The following UNC13C variants were observed in gnomAD, a reference collection of about 807,000 sequenced individuals.
The protein encoded by UNC13C is protein unc-13 homolog C.
UNC13C carries 174 observed loss-of-function variants against 245.4 expected under a neutral mutation model. The ratio of observed to expected loss-of-function variants is 0.71; its 90% CI spans 0.63 to 0.80. The LOEUF (loss-of-function observed/expected upper bound fraction) is 0.80. Ranked by LOEUF, UNC13C falls within the 30% of genes least tolerant of loss-of-function variation. The pLI, the probability that UNC13C is intolerant of heterozygous loss-of-function variation, is 0.00. For synonymous variants in UNC13C, 992 were observed against 895.1 expected (o/e 1.11, Z -1.93); for missense variants, 2,829 against 2,602.9 (o/e 1.09, Z -1.89).
At chr15:54,390,328 G>A (rs1425053400) in intron 17 of UNC13C, among the ~76,000 whole-genome samples, 1 of 152,016 alleles carries the variant, frequency 6.6e-6, no homozygotes, top group African/African-American at 2.4e-5. Context: ...CAGCTTGTCT[G>A]TAAAAACTTT....
chr15:54,323,300 G>A (rs66494370), intron 14 of UNC13C, among the ~76,000 whole-genome samples: 1 of 151,992 alleles, frequency 6.6e-6, no homozygotes, highest in African/African-American at 2.4e-5. Flanking sequence ...AAGTGAATTA[G>A]AATAATCAAA....
intron 4 of UNC13C, among the ~76,000 whole-genome samples, chr15:54,179,599 C>G (rs948332305): frequency 1.3e-5 from 2 of 151,698 alleles, no homozygotes; most frequent in Admixed American, 6.6e-5. Flanking sequence ...AGAAAGAATA[C>G]TAATTAAAGA....
chr15:54,106,584 C>T (rs896166671), intron 2 of UNC13C, among the ~76,000 whole-genome samples: 3 of 152,162 alleles, frequency 2.0e-5, no homozygotes, highest in African/African-American at 4.8e-5. Flanking sequence ...AAAAAATTAT[C>T]TCCCATCTTT....
intron 17 of UNC13C, among the ~76,000 whole-genome samples, chr15:54,348,063 C>T (rs2038899084): frequency 6.6e-6 from 1 of 152,090 alleles, no homozygotes; most frequent in Non-Finnish European, 1.5e-5. Context: ...ATTTTTAAAG[C>T]TCAATATTAA....
intron 30 of UNC13C, among the ~76,000 whole-genome samples, chr15:54,568,935 T>G (rs950981364): frequency 6.6e-6 from 1 of 152,166 alleles, no homozygotes; most frequent in Admixed American, 6.5e-5. Flanking sequence ...AAACTACAAT[T>G]ATCCCTTTTC....
At position 54,452,909 on chromosome 15, in the gene UNC13C, C is replaced by T. The variant is rs151334865; in HGVS notation, c.4933+37842C>T. Among the ~76,000 whole-genome samples the T allele has an allele frequency of 5.0e-3, 767 of 152,276 alleles. 5 individuals carry two copies. Among genetic ancestry groups the T allele is most frequent in the African/African-American group, 0.017 (716 of 41,560 alleles). Reference sequence around the variant, plus strand: ...TTGCTGCCAGTGGCTCACATTTAGCCCAGGTGGCAGTAGCCAGCAGCAGCA... The same window carrying T: ...TTGCTGCCAGTGGCTCACATTTAGCTCAGGTGGCAGTAGCCAGCAGCAGCA... On this transcript the variant is annotated intron_variant, in intron 19 of 32. Coordinates refer to ENST00000260323, the MANE Select transcript of UNC13C (RefSeq NM_001080534.3).
In UNC13C at chr15:54,051,128, A is replaced by G. The variant is rs547794555; in HGVS notation, c.2983+35242A>G. ...CCTTATAGAAAATTCATTTTTATAG[A>G]GCCACATTTATCAATCTTTTATTGC... On this transcript the variant is annotated intron_variant, in intron 2 of 32. Transcript: ENST00000260323. Among the ~76,000 whole-genome samples the G allele has an allele frequency of 8.5e-5, 13 of 152,294 alleles. No homozygotes were observed. In the South Asian group the frequency reaches 2.7e-3, roughly 32 times the overall value.
intron 23 of UNC13C, 106 bp downstream of exon 23, chr15:54,507,300 T>C: frequency 1.4e-6 from 1 of 722,392 alleles, no homozygotes; most frequent in Non-Finnish European, 2.3e-6. Context: ...TCACATAGGA[T>C]AATAAGAAAT....
the UNC13C span, among the ~76,000 whole-genome samples, chr15:53,944,422 A>G: frequency 5.9e-5 from 9 of 151,774 alleles, no homozygotes; most frequent in Non-Finnish European, 8.8e-5. Context: ...TTCCATCCTC[A>G]AGGAGGCCCT....
At chr15:54,041,646 T>G (rs1896811369) in intron 2 of UNC13C, among the ~76,000 whole-genome samples, 1 of 152,220 alleles carries the variant, frequency 6.6e-6, no homozygotes, top group South Asian at 2.1e-4. Context: ...ATTTATGAGT[T>G]GTGTGACATT....
In UNC13C at chr15:53,999,723, C is replaced by T. The variant is rs376246222; in HGVS notation, c.-256-12925C>T. On this transcript the variant is annotated intron_variant, in intron 1 of 32. Transcript: ENST00000260323. ...GCACTGCCTTTAGCTGTGTCCCATA[C>T]ATTTTGGTATGTTGTTTTTTTAAAT... 1.9e-3 allele frequency among the ~76,000 whole-genome samples: 293 copies of T among 152,012 alleles called. 1 individual carries two copies. The highest frequency in any genetic ancestry group is 6.6e-3 in the African/African-American group (273 of 41,526).
chr15:54,445,874 A>G (rs1890786177), intron 19 of UNC13C, among the ~76,000 whole-genome samples: 1 of 152,170 alleles, frequency 6.6e-6, no homozygotes, highest in Non-Finnish European at 1.5e-5. Context: ...GCCCATGCCT[A>G]TGTCCGGAAT....
At chr15:53,848,732 C>G in the UNC13C span, among the ~76,000 whole-genome samples, 9 of 152,098 alleles carry the variant, frequency 5.9e-5, no homozygotes, top group African/African-American at 1.4e-4. Flanking sequence ...ACTGACATCT[C>G]AAAATGTAAT....
intron 4 of UNC13C, among the ~76,000 whole-genome samples, chr15:54,159,697 A>G (rs1038337750): frequency 2.6e-5 from 4 of 152,334 alleles, no homozygotes; most frequent in East Asian, 1.9e-4. Flanking sequence ...TCATGGGGAT[A>G]ATACTGGCAC....
chr15:54,231,402 G>A (rs1259813070), intron 4 of UNC13C, among the ~76,000 whole-genome samples: 1 of 151,954 alleles, frequency 6.6e-6, no homozygotes, highest in Non-Finnish European at 1.5e-5. Context: ...AATCAGATAA[G>A]CAGTGGAGCA....
intron 10 of UNC13C, among the ~76,000 whole-genome samples, chr15:54,268,442 C>T (rs755555354): frequency 1.3e-5 from 2 of 152,030 alleles, no homozygotes; most frequent in Non-Finnish European, 2.9e-5. Context: ...GGATTTTTCT[C>T]CTCATTATGC....
rs1896727937 is a variant in UNC13C at position 54,551,324 on chromosome 15, A to G, written c.5877+1633A>G. Among the ~76,000 whole-genome samples the G allele has an allele frequency of 3.9e-5, 6 of 152,134 alleles. No individual in the cohort carries two copies. The South Asian group carries it at 1.2e-3, about 32-fold the overall frequency. ...CATCTCAGTGCAAGGAATCACAGCA[A>G]AGTCTCCTGGAATATCAGTAGCTCT... On this transcript the variant is annotated intron_variant, in intron 28 of 32. Coordinates refer to ENST00000260323, the MANE Select transcript of UNC13C (RefSeq NM_001080534.3).
intron 4 of UNC13C, among the ~76,000 whole-genome samples, chr15:54,152,410 T>C (rs2141252238): frequency 6.6e-6 from 1 of 152,334 alleles, no homozygotes; most frequent in East Asian, 1.9e-4. Flanking sequence ...TTATTCAACA[T>C]TTATATATTA....
At chr15:53,932,163 G>T in the UNC13C span, among the ~76,000 whole-genome samples, 63 of 152,150 alleles carry the variant, frequency 4.1e-4, no homozygotes, top group African/African-American at 1.5e-3. Context: ...ACAAAAATTA[G>T]CTGGGCGTGG....
Sources: allele counts gnomAD v4.1 joint callset (sites outside exome capture counted in the v4.1 genomes callset), GRCh38; gene constraint gnomAD v4.1.1; transcripts MANE v1.5; gene names NCBI Gene and HGNC (gene_info 2026-07-23, HGNC 2026-07-21).